ABCC4: variants seen among roughly 807,000 people sequenced by gnomAD.
ABCC4 encodes the protein ATP binding cassette subfamily C member 4 (PEL blood group).
In ABCC4, 102 loss-of-function variants were observed where a neutral mutation model predicts 168.5. The ratio of observed to expected loss-of-function variants is 0.61; its 90% CI spans 0.52 to 0.71. ABCC4 has a LOEUF of 0.71. Ranked by LOEUF, ABCC4 falls within the 30% of genes least tolerant of loss-of-function variation. The probability of loss-of-function intolerance (pLI) is 0.00; values close to 1 mark genes in which losing one functional copy is unlikely to be tolerated. For missense variants in ABCC4, 1,402 were observed against 1,605.8 expected (o/e 0.87, Z 2.17); for synonymous variants, 617 against 590.7 (o/e 1.04, Z -0.65).
chr13:95,203,457 G>A (rs977508388), intron 8 of ABCC4, among the ~76,000 whole-genome samples: 1 of 151,604 alleles, frequency 6.6e-6, no homozygotes, highest in African/African-American at 2.4e-5. Context: ...AGCCTCCTGA[G>A]GAGCTGGGAT....
chr13:95,152,343 T>C (rs775880247), intron 19 of ABCC4, among the ~76,000 whole-genome samples: 1 of 152,236 alleles, frequency 6.6e-6, no homozygotes, highest in Non-Finnish European at 1.5e-5. Context: ...TTGTTCTTTA[T>C]GGGTGTTGCT....
At chr13:95,189,416 C>T (rs1185816883) in intron 9 of ABCC4, among the ~76,000 whole-genome samples, 1 of 152,100 alleles carries the variant, frequency 6.6e-6, no homozygotes, top group East Asian at 1.9e-4. Flanking sequence ...CCACCGCGCC[C>T]GGCAATATTC....
intron 3 of ABCC4, among the ~76,000 whole-genome samples, chr13:95,242,314 A>C (rs1594364753): frequency 6.6e-6 from 1 of 151,262 alleles, no homozygotes; most frequent in Non-Finnish European, 1.5e-5. Context: ...TGCAACCTCC[A>C]CCTCCCAGGT....
chr13:95,264,068 G>A (rs1366694147), intron 1 of ABCC4, among the ~76,000 whole-genome samples: 1 of 151,888 alleles, frequency 6.6e-6, no homozygotes, highest in African/African-American at 2.4e-5. Flanking sequence ...GCCAAACCTG[G>A]GACAATCTGA....
chr13:95,224,150 G>A, intron 4 of ABCC4, among the ~76,000 whole-genome samples: 1 of 140,126 alleles, frequency 7.1e-6, no homozygotes, highest in Non-Finnish European at 1.5e-5. Flanking sequence ...TTATACCTAG[G>A]ATCATTATCA....
Position 95,246,292 on chromosome 13 carries a change from G to A in ABCC4, c.306+683C>T, listed in dbSNP as rs539420968. 6.0e-4 allele frequency among the ~76,000 whole-genome samples: 91 copies of A among 152,328 alleles called. 1 individual carries two copies. The Middle Eastern group carries it at 0.01, about 17-fold the overall frequency. ...GGAAGACACACCGGATGGGTGTGAT[G>A]AATCCCCTTGGGTGCACAGTCCTCG... On this transcript the variant is annotated intron_variant, in intron 3 of 30. Coordinates refer to ENST00000645237, the MANE Select transcript of ABCC4 (RefSeq NM_005845.5).
intron 7 of ABCC4, 140 bp from the exon 8 acceptor site, chr13:95,206,921 A>C: frequency 1.1e-6 from 1 of 939,782 alleles, no homozygotes; most frequent in Non-Finnish European, 1.6e-6. Context: ...GGGCAACAAC[A>C]ACAAAAAAGT....
At chr13:95,067,548 T>A (rs887207068) in intron 25 of ABCC4, among the ~76,000 whole-genome samples, 1 of 151,982 alleles carries the variant, frequency 6.6e-6, no homozygotes, top group Admixed American at 6.6e-5. Context: ...CAGTGCAATT[T>A]TAATCAAAAG....
At chr13:95,140,583 T>G (rs138789550) in intron 19 of ABCC4, among the ~76,000 whole-genome samples, 1 of 152,238 alleles carries the variant, frequency 6.6e-6, no homozygotes, top group East Asian at 1.9e-4. Context: ...AGAAAAGAGT[T>G]TCAAATCTAT....
At chr13:95,215,167 T>A (rs1377629910) in intron 4 of ABCC4, among the ~76,000 whole-genome samples, 1 of 152,202 alleles carries the variant, frequency 6.6e-6, no homozygotes, top group Non-Finnish European at 1.5e-5. Flanking sequence ...ATGCCTGTTA[T>A]CCCAACATTT....
At chr13:95,124,204 G>A (rs556444767) in intron 19 of ABCC4, among the ~76,000 whole-genome samples, 29 of 152,242 alleles carry the variant, frequency 1.9e-4, no homozygotes, top group African/African-American at 6.3e-4. Context: ...AGAGATGGAC[G>A]TTTTACACAT....
At chr13:95,236,253 T>C (rs549713116) in intron 3 of ABCC4, among the ~76,000 whole-genome samples, 1 of 152,302 alleles carries the variant, frequency 6.6e-6, no homozygotes, top group African/African-American at 2.4e-5. Flanking sequence ...AGTAAACATG[T>C]AGGCCCTCGA....
chr13:95,088,837 T>C (rs2034339906), intron 20 of ABCC4, among the ~76,000 whole-genome samples: 1 of 149,918 alleles, frequency 6.7e-6, no homozygotes, highest in Non-Finnish European at 1.5e-5. Context: ...CTGAGAAAAA[T>C]GGAAATTAGA....
At chr13:95,283,929 G>C (rs948060858) in intron 1 of ABCC4, among the ~76,000 whole-genome samples, 2 of 151,406 alleles carry the variant, frequency 1.3e-5, no homozygotes, top group Non-Finnish European at 2.9e-5. Context: ...GCCAGGTGCA[G>C]TGGCTCACGC....
chr13:95,166,292 C>G lies in ABCC4; in HGVS notation c.1900G>C (p.Asp634His), dbSNP rs147457142. ...GIDFGSLLKKDNEESEQPPVP... is the reference protein window; with the variant it reads ...GIDFGSLLKKHNEESEQPPVP... ...GGAGGTTGTTCACTTTCCTCATTATCCTTCTTTAAAAGGGAGCCAAAATCT... is the reference window on the plus strand; with the variant it reads ...GGAGGTTGTTCACTTTCCTCATTATGCTTCTTTAAAAGGGAGCCAAAATCT... Residue 634 changes from aspartate (D) to histidine (H), a missense_variant, in exon 15 of 31, where the codon GAT becomes CAT. This residue lies in a region of ABCC4 where 1,007 missense variants were observed against 1,127.3 expected (regional missense o/e 0.89). Coordinates refer to ENST00000645237, the MANE Select transcript of ABCC4 (RefSeq NM_005845.5). 21 of 1,613,934 alleles carry G rather than the reference C, an allele frequency of 1.3e-5. No individual in the cohort carries two copies. The highest frequency in any genetic ancestry group is 1.8e-5 in the Non-Finnish European group (21 of 1,180,000).
intron 20 of ABCC4, among the ~76,000 whole-genome samples, chr13:95,086,678 T>C (rs1181466786): frequency 1.3e-5 from 2 of 152,214 alleles, no homozygotes; most frequent in East Asian, 3.8e-4. Context: ...AACGAACATG[T>C]TTTCTATAAA....
chr13:95,102,536 G>A (rs1340897965), intron 20 of ABCC4, among the ~76,000 whole-genome samples: 1 of 151,844 alleles, frequency 6.6e-6, no homozygotes, highest in African/African-American at 2.4e-5. Flanking sequence ...CTCTCACTTC[G>A]GCCTCCCAAA....
intron 20 of ABCC4, among the ~76,000 whole-genome samples, chr13:95,086,487 C>T (rs865806297): frequency 2.0e-5 from 3 of 152,160 alleles, no homozygotes; most frequent in East Asian, 3.9e-4. Context: ...ATTTTGTATC[C>T]GAACATTACA....
chr13:95,142,899 T>C (rs1406378108), intron 19 of ABCC4, among the ~76,000 whole-genome samples: 1 of 151,988 alleles, frequency 6.6e-6, no homozygotes, highest in Non-Finnish European at 1.5e-5. Flanking sequence ...GCCAAAAAAA[T>C]ATAATAATAA....
Sources: gnomAD v4.1 joint callset for allele counts (sites outside exome capture counted in the v4.1 genomes callset) on GRCh38, gnomAD v4.1.1 for gene constraint, gnomAD v4.1.1 regional missense constraint, MANE v1.5 for transcripts, NCBI Gene and HGNC (gene_info 2026-07-23, HGNC 2026-07-21) for gene names.